The following COQ8A variants were observed in gnomAD, a reference collection of about 807,000 sequenced individuals.
The protein encoded by COQ8A is coenzyme Q8A.
COQ8A carries 51 observed loss-of-function variants against 65.0 expected under a neutral mutation model. That is an observed-to-expected ratio of 0.78 (90% CI 0.63 to 0.99). The LOEUF (loss-of-function observed/expected upper bound fraction) is 0.99. Ranked by LOEUF, COQ8A falls within the 50% of genes least tolerant of loss-of-function variation. The probability of loss-of-function intolerance (pLI) is 0.00; values close to 1 mark genes in which losing one functional copy is unlikely to be tolerated. For missense variants in COQ8A, 940 were observed against 875.0 expected (o/e 1.07, Z -0.94); for synonymous variants, 371 against 353.2 (o/e 1.05, Z -0.57).
intron 1 of COQ8A, among the ~76,000 whole-genome samples, chr1:226,954,137 C>A (rs1267235899): frequency 6.6e-6 from 1 of 152,262 alleles, no homozygotes; most frequent in Non-Finnish European, 1.5e-5. Flanking sequence ...GCCAAAGCAT[C>A]CTTGAATTGA....
At position 226,986,863 on chromosome 1, in the gene COQ8A, G is replaced by C; in HGVS notation, c.*126G>C. The C allele has an allele frequency of 8.3e-7, 1 of 1,201,086 alleles. No homozygotes were observed. Among genetic ancestry groups the C allele is most frequent in the Non-Finnish European group, 1.2e-6 (1 of 850,690 alleles). 74.4% of individuals were successfully genotyped at this position (1,201,086 alleles called of 1,614,324 possible). On this transcript the variant is annotated 3_prime_UTR_variant, in exon 15 of 15. Transcript: ENST00000366777. ...GCCCAATAAGGGGGGTGGCTGCCTGGAGCCCCGTAGCCAGCGCTTTCCACG... is the reference window on the plus strand; with the variant it reads ...GCCCAATAAGGGGGGTGGCTGCCTGCAGCCCCGTAGCCAGCGCTTTCCACG...
At chr1:226,982,784 CCCACTCT>C in intron 7 of COQ8A, 21 bp downstream of exon 7, 1 of 1,613,352 alleles carries the variant, frequency 6.2e-7, no homozygotes, top group Non-Finnish European at 8.5e-7. Flanking sequence ...AGGGGCTCTG[CCCACTCT>C]CTGTGGCCTC....
At chr1:226,985,151 A>G in intron 13 of COQ8A, 103 bp from the exon 14 acceptor site, 2 of 1,208,890 alleles carry the variant, frequency 1.7e-6, no homozygotes, top group South Asian at 1.2e-5. Flanking sequence ...GTGCAGGGAG[A>G]GGATGAGGGT....
chr1:226,978,458 C>T (rs1172890241), intron 5 of COQ8A, among the ~76,000 whole-genome samples: 50 of 147,396 alleles, frequency 3.4e-4, no homozygotes, highest in African/African-American at 1.1e-3. Flanking sequence ...CCTTACACAC[C>T]CTCCACACCC....
intron 4 of COQ8A, among the ~76,000 whole-genome samples, chr1:226,970,295 G>T (rs1302765064): frequency 6.6e-6 from 1 of 152,156 alleles, no homozygotes; most frequent in South Asian, 2.1e-4. Flanking sequence ...GAAATGTGTC[G>T]TTAGGCAGTT....
Position 226,962,990 on chromosome 1 carries a change from C to T in COQ8A, c.177+1428C>T, listed in dbSNP as rs117550485. On this transcript the variant is annotated intron_variant, in intron 2 of 14. Transcript: ENST00000366777. ...GATTTGGTGCCTGAGTGTGGGGCCT[C>T]GGCCTCGCTCTTGGGTGTTTTGCCT... 2.6e-3 allele frequency among the ~76,000 whole-genome samples: 395 copies of T among 152,330 alleles called. 8 individuals are homozygous for T. In the East Asian group the frequency reaches 0.049, roughly 19 times the overall value.
chr1:226,954,321 T>A (rs1173513557), intron 1 of COQ8A, among the ~76,000 whole-genome samples: 1 of 152,252 alleles, frequency 6.6e-6, no homozygotes, highest in Non-Finnish European at 1.5e-5. Flanking sequence ...GGGGAGACTC[T>A]TAGGAAAGGG....
intron 1 of COQ8A, among the ~76,000 whole-genome samples, chr1:226,953,896 G>T (rs1467310878): frequency 6.6e-6 from 1 of 152,212 alleles, no homozygotes; most frequent in African/African-American, 2.4e-5. Context: ...TGAAGTCTTT[G>T]CCCCAACACA....
intron 4 of COQ8A, among the ~76,000 whole-genome samples, chr1:226,968,228 G>A (rs886272726): frequency 6.6e-5 from 10 of 152,154 alleles, no homozygotes; most frequent in Admixed American, 1.3e-4. Context: ...CCAGCTACTC[G>A]GGAGGCTGAG....
chr1:226,945,231 C>T (rs986383835), intron 1 of COQ8A, among the ~76,000 whole-genome samples: 1 of 152,156 alleles, frequency 6.6e-6, no homozygotes, highest in African/African-American at 2.4e-5. Flanking sequence ...AGAGGAGAAG[C>T]GGTGTGCCTG....
At chr1:226,961,976 C>T (rs1658280086) in intron 2 of COQ8A, among the ~76,000 whole-genome samples, 1 of 152,172 alleles carries the variant, frequency 6.6e-6, no homozygotes, top group Non-Finnish European at 1.5e-5. Context: ...TTGAGGAGGG[C>T]TTCATTCTCA....
rs2297413 is a variant in COQ8A at position 226,982,842 on chromosome 1, C to G, written c.940-52C>G. ...GAGGGGACAGACTTGGGGCTTCTCCCGGTGGCCCAGGCAGGGCATGCTCAG... is the reference window on the plus strand; with the variant it reads ...GAGGGGACAGACTTGGGGCTTCTCCGGGTGGCCCAGGCAGGGCATGCTCAG... On this transcript the variant is annotated intron_variant, in intron 7 of 14. Coordinates refer to ENST00000366777, the MANE Select transcript of COQ8A (RefSeq NM_020247.5). The G allele has an allele frequency of 0.22, 358,317 of 1,612,054 alleles. 40,727 individuals are homozygous for G. The highest frequency in any genetic ancestry group is 0.32 in the East Asian group (14,116 of 44,794).
Position 226,960,348 on chromosome 1 carries a change from G to GTGCT in COQ8A, c.-9-1027_-9-1026insCTTG, listed in dbSNP as rs1658116939. Among the ~76,000 whole-genome samples the GTGCT allele has an allele frequency of 3.4e-5, 5 of 148,190 alleles. 1 individual carries two copies. Among genetic ancestry groups the GTGCT allele is most frequent in the African/African-American group, 1.3e-4 (5 of 39,002 alleles). On this transcript the variant is annotated intron_variant, in intron 1 of 14. Coordinates refer to ENST00000366777, the MANE Select transcript of COQ8A (RefSeq NM_020247.5). ...GTGGTATCAGTGGTACTTGGTGGTG[G>GTGCT]TGGTGGTGGTGCTTGGTGGTGGTGG...
At chr1:226,955,885 G>A (rs555532162) in intron 1 of COQ8A, among the ~76,000 whole-genome samples, 2,007 of 114,484 alleles carry the variant, frequency 0.018, 76 homozygotes, top group African/African-American at 0.075. Context: ...CACTCTCCCT[G>A]GCTGCCACTC....
Position 226,982,724 on chromosome 1 carries a change from G to A in COQ8A, c.900G>A (p.Val300=). The part of the protein sequence containing the change: ...NPHLAKIFER[V]RQSADFMPLK... ...ACCTGGCTAAGATCTTCGAGCGGGT[G>A]CGGCAGAGCGCGGACTTCATGCCAC... The change falls in exon 7 of 15, where the codon GTG becomes GTA. Residue 300 remains valine, a synonymous_variant. Transcript: ENST00000366777. 2 of 1,613,704 alleles carry A rather than the reference G, an allele frequency of 1.2e-6. No individual in the cohort carries two copies. The highest frequency in any genetic ancestry group is 1.1e-5 in the South Asian group (1 of 91,080).
At chr1:226,983,711 T>C (rs6690459) in intron 9 of COQ8A, 50 bp from the exon 10 acceptor site, 1 of 1,610,498 alleles carries the variant, frequency 6.2e-7, no homozygotes, top group Non-Finnish European at 8.5e-7. Context: ...CCAGAGGGGG[T>C]CCTCCCTGCA....
Position 226,977,461 on chromosome 1 carries a change from G to C in COQ8A, c.668G>C (p.Gly223Ala). 1 of 1,565,154 alleles carries C rather than the reference G, an allele frequency of 6.4e-7. No homozygotes were observed. The highest frequency in any genetic ancestry group is 8.7e-7 in the Non-Finnish European group (1 of 1,155,124). ...CTCCTCCTTGCAGGTCTGGCCGTGG[G>C]CCTGGGCTTCGGGGCACTGGCAGAG... ...RLANFGGLAV[G>A]LGFGALAEVA... is the part of the protein sequence containing the mutation. Residue 223 changes from glycine (G) to alanine (A), a missense_variant, in exon 5 of 15, where the codon GGC becomes GCC. Physicochemically the swap from Gly to Ala is moderately conservative, Grantham distance 60 (BLOSUM62 0). Transcript: ENST00000366777.
At position 226,985,242 on chromosome 1, in the gene COQ8A, G is replaced by A. The variant is rs1271609090; in HGVS notation, c.1573-12G>A. On this transcript the variant is annotated splice_polypyrimidine_tract_variant and intron_variant, in intron 13 of 14. Transcript: ENST00000366777. ...CATGCTGCCCACGGTCCCCTCCTGT[G>A]CCTCTCCCCAGATCATCAGGGCTGC... 8 of 1,612,998 alleles carry A rather than the reference G, an allele frequency of 5.0e-6. No homozygotes were observed. Among genetic ancestry groups the A allele is most frequent in the East Asian group, 2.2e-5 (1 of 44,874 alleles).
intron 1 of COQ8A, among the ~76,000 whole-genome samples, chr1:226,945,984 GGTGCTCAGCCTCCTCGGT>G (rs753829241): frequency 4.1e-4 from 63 of 152,324 alleles, no homozygotes; most frequent in South Asian, 1.4e-3. Flanking sequence ...AGGTTCCCCT[GGTGCTCAGCCTCCTCGGT>G]GGTCTCTTCA....
Sources: allele counts gnomAD v4.1 joint callset (sites outside exome capture counted in the v4.1 genomes callset), GRCh38; gene constraint gnomAD v4.1.1; transcripts MANE v1.5; gene names NCBI Gene and HGNC (gene_info 2026-07-23, HGNC 2026-07-21).